Variants in CNBD1 observed in about 807,000 individuals in gnomAD.
CNBD1 encodes the protein cyclic nucleotide-binding domain-containing protein 1.
Under a neutral mutation model 54.4 loss-of-function variants are expected in CNBD1, and 71 were observed. That is an observed-to-expected ratio of 1.30 (90% CI 1.08 to 1.59). CNBD1 has a LOEUF of 1.59. Ranked by LOEUF, CNBD1 falls within the 40% of genes most tolerant of loss-of-function variation. The pLI is 0.00. For missense variants in CNBD1, 659 were observed against 518.0 expected (o/e 1.27, Z -2.64); for synonymous variants, 182 against 170.7 (o/e 1.07, Z -0.51).
intron 4 of CNBD1, among the ~76,000 whole-genome samples, chr8:87,055,014 A>G (rs1461038617): frequency 6.6e-6 from 1 of 152,226 alleles, no homozygotes; most frequent in Admixed American, 6.5e-5. Context: ...AAAAGTCAAG[A>G]GTTAAGAGTT....
At chr8:86,888,283 C>T (rs1359752371) in intron 2 of CNBD1, among the ~76,000 whole-genome samples, 3 of 152,084 alleles carry the variant, frequency 2.0e-5, no homozygotes, top group African/African-American at 7.2e-5. Context: ...ATACTGTTGT[C>T]TATTTTCTCA....
intron 8 of CNBD1, among the ~76,000 whole-genome samples, chr8:87,295,002 CTTCT>C (rs937456359): frequency 2.0e-5 from 3 of 151,610 alleles, no homozygotes; most frequent in African/African-American, 7.3e-5. Context: ...TGCCATGAAG[CTTCT>C]TTTTTTATAA....
In CNBD1 at chr8:87,282,064, C is replaced by T. The variant is rs554412365; in HGVS notation, c.772-2614C>T. 5.3e-5 allele frequency among the ~76,000 whole-genome samples: 8 copies of T among 151,658 alleles called. No individual in the cohort carries two copies. In the South Asian group the frequency reaches 1.7e-3, roughly 31 times the overall value. On this transcript the variant is annotated intron_variant, in intron 6 of 10. Transcript: ENST00000518476. Reference sequence around the variant, plus strand: ...TAGATATTTGAGGTATTATTCTTTACATTTGCCATTTTTGTAGGAAATATC... The same window carrying T: ...TAGATATTTGAGGTATTATTCTTTATATTTGCCATTTTTGTAGGAAATATC...
chr8:86,928,178 T>G (rs894527806), intron 3 of CNBD1, among the ~76,000 whole-genome samples: 3 of 152,156 alleles, frequency 2.0e-5, no homozygotes, highest in Admixed American at 6.6e-5. Context: ...TGTTGATATC[T>G]TGCCAAAGAA....
intron 4 of CNBD1, among the ~76,000 whole-genome samples, chr8:87,027,954 A>G (rs978911561): frequency 2.0e-5 from 3 of 152,196 alleles, no homozygotes; most frequent in African/African-American, 7.2e-5. Flanking sequence ...AGCTGCAAAC[A>G]AAAATTCCTT....
At chr8:87,350,791 T>C (rs1810273399) in intron 8 of CNBD1, among the ~76,000 whole-genome samples, 1 of 151,910 alleles carries the variant, frequency 6.6e-6, no homozygotes, top group Admixed American at 6.6e-5. Flanking sequence ...ACGTAGAAAA[T>C]ATTTTGAAAT....
intron 4 of CNBD1, among the ~76,000 whole-genome samples, chr8:87,190,695 C>G (rs1362407088): frequency 4.6e-5 from 7 of 151,862 alleles, no homozygotes; most frequent in Non-Finnish European, 8.8e-5. Flanking sequence ...CTTAAAGAGG[C>G]TCTAGAAATA....
chr8:87,098,370 T>C (rs546792388), intron 4 of CNBD1, among the ~76,000 whole-genome samples: 2 of 152,338 alleles, frequency 1.3e-5, no homozygotes, highest in South Asian at 2.1e-4. Flanking sequence ...CACTCTGATA[T>C]GGCTTACAGT....
chr8:86,941,476 C>T (rs774581630), intron 4 of CNBD1, among the ~76,000 whole-genome samples: 2 of 152,120 alleles, frequency 1.3e-5, no homozygotes, highest in Non-Finnish European at 2.9e-5. Flanking sequence ...CTGCTGATTT[C>T]AGGTTGTGCT....
chr8:87,020,191 T>C (rs989346006), intron 4 of CNBD1, among the ~76,000 whole-genome samples: 4 of 152,042 alleles, frequency 2.6e-5, no homozygotes, highest in Non-Finnish European at 4.4e-5. Flanking sequence ...AAGACTCGAA[T>C]CATAATAGCT....
At chr8:87,311,648 A>G (rs758645928) in intron 8 of CNBD1, among the ~76,000 whole-genome samples, 7 of 152,138 alleles carry the variant, frequency 4.6e-5, no homozygotes, top group Non-Finnish European at 1.0e-4. Context: ...ATGCACTTGT[A>G]TGTTCATTGC....
intron 8 of CNBD1, among the ~76,000 whole-genome samples, chr8:87,319,264 A>T (rs913343693): frequency 6.6e-6 from 1 of 152,124 alleles, no homozygotes; most frequent in Non-Finnish European, 1.5e-5. Context: ...TAATAATTCA[A>T]TGCTTGATGT....
intron 2 of CNBD1, among the ~76,000 whole-genome samples, chr8:87,407,266 T>C (rs747126862): frequency 3.9e-5 from 6 of 152,132 alleles, no homozygotes; most frequent in Non-Finnish European, 7.4e-5. Context: ...AAACACAGTA[T>C]ATCATTTAAT....
intron 3 of CNBD1, among the ~76,000 whole-genome samples, chr8:86,913,899 C>T (rs896943773): frequency 4.6e-5 from 7 of 152,020 alleles, no homozygotes; most frequent in Non-Finnish European, 5.9e-5. Context: ...TTAGAGGCCC[C>T]GCCCTGGGAA....
chr8:87,071,195 T>A (rs1266044949), intron 4 of CNBD1, among the ~76,000 whole-genome samples: 3 of 152,116 alleles, frequency 2.0e-5, no homozygotes, highest in African/African-American at 7.2e-5. Flanking sequence ...TCATGGTTAT[T>A]CAATATATAA....
chr8:87,302,966 A>G (rs937965305), intron 8 of CNBD1, among the ~76,000 whole-genome samples: 7 of 151,670 alleles, frequency 4.6e-5, no homozygotes, highest in African/African-American at 1.5e-4. Flanking sequence ...ACTACAAACC[A>G]CTGCTCAAGG....
At chr8:87,327,475 C>A (rs1174966404) in intron 8 of CNBD1, among the ~76,000 whole-genome samples, 1 of 152,210 alleles carries the variant, frequency 6.6e-6, no homozygotes, top group African/African-American at 2.4e-5. Flanking sequence ...GCGTAGGATA[C>A]TCCGAACCAG....
intron 4 of CNBD1, among the ~76,000 whole-genome samples, chr8:87,129,019 G>T (rs1228571818): frequency 8.4e-6 from 1 of 119,634 alleles, no homozygotes; most frequent in Non-Finnish European, 1.6e-5. Context: ...GCAGTGAGCC[G>T]AGATCGCCCC....
intron 2 of CNBD1, among the ~76,000 whole-genome samples, chr8:87,406,628 T>C (rs1314076933): frequency 1.3e-5 from 2 of 151,930 alleles, no homozygotes; most frequent in East Asian, 1.9e-4. Context: ...TACAGGCGTG[T>C]GCCACCACGC....
Sources: gnomAD v4.1 joint callset for allele counts (sites outside exome capture counted in the v4.1 genomes callset) on GRCh38, gnomAD v4.1.1 for gene constraint, MANE v1.5 for transcripts, NCBI Gene and HGNC (gene_info 2026-07-23, HGNC 2026-07-21) for gene names.